DCC: variants seen among roughly 807,000 people sequenced by gnomAD.
DCC encodes DCC netrin 1 receptor.
Under a neutral mutation model 172.5 loss-of-function variants are expected in DCC, and 58 were observed. The observed-to-expected ratio is 0.34, with a 90% CI of 0.27 to 0.42. The LOEUF is 0.42. Among genes scored for constraint, DCC ranks in the 10% least tolerant of loss-of-function variants. The probability of loss-of-function intolerance (pLI) is 1.00; values close to 1 mark genes in which losing one functional copy is unlikely to be tolerated. For missense variants in DCC, 1,740 were observed against 1,791.0 expected (o/e 0.97, Z 0.51); for synonymous variants, 709 against 644.5 (o/e 1.10, Z -1.52).
intron 1 of DCC, among the ~76,000 whole-genome samples, chr18:52,498,743 T>C (rs2030900422): frequency 6.6e-6 from 1 of 152,202 alleles, no homozygotes; most frequent in Non-Finnish European, 1.5e-5. Flanking sequence ...TGATTTCTTT[T>C]CCTGGCTTGA....
At chr18:52,578,586 C>T (rs1025693204) in intron 1 of DCC, among the ~76,000 whole-genome samples, 28 of 152,128 alleles carry the variant, frequency 1.8e-4, no homozygotes, top group African/African-American at 6.5e-4. Flanking sequence ...TTTTAGCATC[C>T]TTTATTTTTT....
At chr18:52,916,685 T>C (rs1043141522) in intron 3 of DCC, among the ~76,000 whole-genome samples, 2 of 152,132 alleles carry the variant, frequency 1.3e-5, no homozygotes, top group African/African-American at 2.4e-5. Context: ...TACAACTAAT[T>C]TTCAAAACCC....
intron 1 of DCC, among the ~76,000 whole-genome samples, chr18:52,729,498 G>T (rs2145091357): frequency 6.6e-6 from 1 of 152,254 alleles, no homozygotes; most frequent in Admixed American, 6.5e-5. Flanking sequence ...GACCTCAAAT[G>T]ATCTACCTGC....
At position 52,751,952 on chromosome 18, in the gene DCC, C is replaced by T. The variant is rs551261510; in HGVS notation, c.92-102C>T. The T allele has an allele frequency of 4.1e-4, 396 of 973,074 alleles. No homozygotes were observed. The East Asian group carries it at 9.5e-3, about 23-fold the overall frequency. 60.3% of individuals were successfully genotyped at this position (973,074 alleles called of 1,614,324 possible). ...ATTTATTCTTGGACATTGTTCAAAG[C>T]CCTCAGCTTTTGTGAAAAGCTTTGT... On this transcript the variant is annotated intron_variant, in intron 1 of 28. Coordinates refer to ENST00000442544, the MANE Select transcript of DCC (RefSeq NM_005215.4).
At chr18:52,933,421 G>A (rs1054220555) in intron 5 of DCC, among the ~76,000 whole-genome samples, 1 of 151,554 alleles carries the variant, frequency 6.6e-6, no homozygotes, top group Non-Finnish European at 1.5e-5. Flanking sequence ...GGAGTGGTGA[G>A]GGGAGAGTAT....
At chr18:53,157,279 A>G (rs757159170) in intron 7 of DCC, 77 bp from the exon 8 acceptor site, 151 of 1,569,228 alleles carry the variant, frequency 9.6e-5, no homozygotes, top group Admixed American at 2.3e-4. Flanking sequence ...GCTTGCTAAT[A>G]GGTTGGCTCT....
intron 7 of DCC, among the ~76,000 whole-genome samples, chr18:53,099,943 C>CTTTTTTTTTTTT (rs533618559): frequency 8.6e-5 from 8 of 92,746 alleles, no homozygotes; most frequent in African/African-American, 3.0e-4. Context: ...TTCTTTCTTT[C>CTTTTTTTTTTTT]TTTTTTTTTT....
chr18:52,569,653 G>A (rs1369869931), intron 1 of DCC, among the ~76,000 whole-genome samples: 2 of 152,136 alleles, frequency 1.3e-5, no homozygotes, highest in African/African-American at 4.8e-5. Context: ...GGTTTCCGAT[G>A]TTTATCTAGT....
intron 1 of DCC, among the ~76,000 whole-genome samples, chr18:52,715,656 C>T (rs11662657): frequency 0.016 from 2,488 of 152,152 alleles, 38 homozygotes; most frequent in Admixed American, 0.046. Flanking sequence ...GGAATCCCTG[C>T]AGTCCTTTAG....
At chr18:52,398,748 A>G (rs772936984) in intron 1 of DCC, among the ~76,000 whole-genome samples, 1 of 152,028 alleles carries the variant, frequency 6.6e-6, no homozygotes, top group Non-Finnish European at 1.5e-5. Context: ...TAGGATCCAT[A>G]TAAGTCTGTT....
rs1187238072 is a variant in DCC at position 53,313,002 on chromosome 18, A to G, written c.2053+7283A>G. On this transcript the variant is annotated intron_variant, in intron 13 of 28. Transcript: ENST00000442544. Reference sequence around the variant, plus strand: ...AGGGAGGAGGGAGGGAGGAGGGAGGAAGGAAGGGAGGAAGAAAGGAAGGGA... The same window carrying G: ...AGGGAGGAGGGAGGGAGGAGGGAGGGAGGAAGGGAGGAAGAAAGGAAGGGA... 2.4e-4 allele frequency among the ~76,000 whole-genome samples: 30 copies of G among 123,444 alleles called. No individual in the cohort carries two copies. In the East Asian group the frequency reaches 5.8e-3, roughly 24 times the overall value. The allele number at this position is 123,444 out of a possible 152,430, so 81.0% of individuals were successfully genotyped here. A position where few individuals can be genotyped will look rare whatever the true frequency, so the allele number is the denominator to read the frequency against.
At chr18:52,748,933 A>G (rs992864663) in intron 1 of DCC, among the ~76,000 whole-genome samples, 2 of 152,238 alleles carry the variant, frequency 1.3e-5, no homozygotes, top group Admixed American at 6.5e-5. Flanking sequence ...CCATTGGCTC[A>G]TGCCTGTAAT....
chr18:53,518,393 G>A lies in DCC; in HGVS notation c.4112-8224G>A, dbSNP rs187484205. ...GCATTTTTAGAGCATTCCGGCTGCA[G>A]CCTAATGTTTCTCACCCCAAAAAAT... On this transcript the variant is annotated intron_variant, in intron 27 of 28. Coordinates refer to ENST00000442544, the MANE Select transcript of DCC (RefSeq NM_005215.4). Among the ~76,000 whole-genome samples the A allele has an allele frequency of 1.7e-3, 263 of 152,246 alleles. 2 individuals are homozygous for A. The highest frequency in any genetic ancestry group is 6.1e-3 in the African/African-American group (252 of 41,552).
At chr18:52,721,899 C>T (rs1368561127) in intron 1 of DCC, among the ~76,000 whole-genome samples, 1 of 152,092 alleles carries the variant, frequency 6.6e-6, no homozygotes, top group Non-Finnish European at 1.5e-5. Flanking sequence ...GTGGCAGGCA[C>T]CTGAATCCCA....
At chr18:52,486,156 G>A (rs1414376369) in intron 1 of DCC, among the ~76,000 whole-genome samples, 1 of 152,040 alleles carries the variant, frequency 6.6e-6, no homozygotes, top group Non-Finnish European at 1.5e-5. Flanking sequence ...TATTTTTCAA[G>A]ATTATAGATA....
intron 1 of DCC, among the ~76,000 whole-genome samples, chr18:52,680,551 C>T (rs1462011124): frequency 6.6e-6 from 1 of 152,024 alleles, no homozygotes; most frequent in Non-Finnish European, 1.5e-5. Context: ...TATTTAATAC[C>T]TTAATTGAGA....
intron 1 of DCC, among the ~76,000 whole-genome samples, chr18:52,693,017 A>G (rs1300114189): frequency 6.6e-6 from 1 of 152,100 alleles, no homozygotes; most frequent in Non-Finnish European, 1.5e-5. Flanking sequence ...TGTTCACGTG[A>G]CTTTCCCTCT....
At chr18:52,709,112 G>A (rs561691205) in intron 1 of DCC, among the ~76,000 whole-genome samples, 1 of 152,194 alleles carries the variant, frequency 6.6e-6, no homozygotes, top group African/African-American at 2.4e-5. Flanking sequence ...AAACACGGAG[G>A]GGCACCTGGA....
At chr18:53,283,241 C>T (rs1307294559) in intron 12 of DCC, among the ~76,000 whole-genome samples, 1 of 152,074 alleles carries the variant, frequency 6.6e-6, no homozygotes, top group African/African-American at 2.4e-5. Flanking sequence ...AAAATGTTTA[C>T]CTGTAAGTTG....
Sources: gnomAD v4.1 joint callset for allele counts (sites outside exome capture counted in the v4.1 genomes callset) on GRCh38, gnomAD v4.1.1 for gene constraint, MANE v1.5 for transcripts, NCBI Gene and HGNC (gene_info 2026-07-23, HGNC 2026-07-21) for gene names.